The following PRDM13 variants were observed in gnomAD, a reference collection of about 807,000 sequenced individuals.
The protein encoded by PRDM13 is PR/SET domain 13.
Under a neutral mutation model 36.4 loss-of-function variants are expected in PRDM13, and 15 were observed. The ratio of observed to expected loss-of-function variants is 0.41; its 90% CI spans 0.28 to 0.64. PRDM13 has a LOEUF of 0.64. Among genes scored for constraint, PRDM13 ranks in the 30% least tolerant of loss-of-function variants. PRDM13 has a pLI of 0.29. For missense variants in PRDM13, 1,044 were observed against 1,013.5 expected, an observed-to-expected ratio of 1.03 and a Z score of -0.41; for synonymous variants, 531 against 467.7, an observed-to-expected ratio of 1.14 and a Z score of -1.75.
Position 99,613,168 on chromosome 6 carries a change from G to A in PRDM13, c.533G>A (p.Arg178His), listed in dbSNP as rs1770056948. 1 of 1,612,620 alleles carries A rather than the reference G, an allele frequency of 6.2e-7. No homozygotes were observed. Among genetic ancestry groups the A allele is most frequent in the African/African-American group, 1.3e-5 (1 of 74,926 alleles). The change falls in exon 4 of 4, where the codon CGC becomes CAC. Residue 178 changes from arginine to histidine, a missense_variant. Physicochemically the swap from Arg to His is conservative, Grantham distance 29. Transcript: ENST00000369215. The surrounding 1 kb of genome is among the most constrained non-coding windows in gnomAD (Gnocchi z 6.1). Reference protein sequence around the residue: ...GAFLHHEHAARQGAVPAADGL... With the variant: ...GAFLHHEHAAHQGAVPAADGL... ...TTCCTGCACCACGAACACGCGGCTC[G>A]CCAAGGCGCCGTCCCAGCGGCTGAT...
intron 3 of PRDM13, among the ~76,000 whole-genome samples, chr6:99,611,175 A>G (rs920451922): frequency 6.6e-6 from 1 of 152,202 alleles, no homozygotes; most frequent in Non-Finnish European, 1.5e-5. Context: ...GAAGAAATAA[A>G]TAGGGATGGC....
At chr6:99,609,150 G>C in intron 2 of PRDM13, 37 bp from the exon 3 acceptor site, 1 of 1,609,316 alleles carries the variant, frequency 6.2e-7, no homozygotes, top group Non-Finnish European at 8.5e-7. Flanking sequence ...GATTACCCAG[G>C]AAATGACATT....
At position 99,606,859 on chromosome 6, in the gene PRDM13, CA is replaced by C; in HGVS notation, c.-172del. On this transcript the variant is annotated 5_prime_UTR_variant, in exon 1 of 4. Coordinates refer to ENST00000369215, the MANE Select transcript of PRDM13 (RefSeq NM_021620.4). ...CTCCGCGCCCTTGCGCTAGCGGTGC[CA>C]AAAGGCTCCCGCCCCGATTGAAAAG... 2.3e-6 allele frequency: 2 copies of C among 861,850 alleles called. No homozygotes were observed. The highest frequency in any genetic ancestry group is 3.4e-6 in the Non-Finnish European group (2 of 593,060). The allele number at this position is 861,850 out of a possible 1,614,324, so 53.4% of individuals were successfully genotyped here. A position where few individuals can be genotyped will look rare whatever the true frequency, so the allele number is the denominator to read the frequency against.
chr6:99,610,285 C>T (rs1401862700), intron 3 of PRDM13, among the ~76,000 whole-genome samples: 2 of 152,222 alleles, frequency 1.3e-5, no homozygotes, highest in Non-Finnish European at 2.9e-5. Flanking sequence ...CTGAAGAACA[C>T]TTCCTGTGGA....
intron 3 of PRDM13, among the ~76,000 whole-genome samples, chr6:99,611,348 TGA>T (rs1213944078): frequency 6.6e-6 from 1 of 152,080 alleles, no homozygotes; most frequent in Non-Finnish European, 1.5e-5. Context: ...AAAGGGGTGA[TGA>T]GAGAGAGAAA....
chr6:99,614,938 A>T lies in PRDM13; in HGVS notation c.*179A>T, dbSNP rs374061792. The T allele has an allele frequency of 1.5e-4, 130 of 876,160 alleles. No individual in the cohort carries two copies. The East Asian group carries it at 3.3e-3, about 23-fold the overall frequency. The allele number at this position is 876,160 out of a possible 1,614,324, so 54.3% of individuals were successfully genotyped here. On this transcript the variant is annotated 3_prime_UTR_variant, in exon 4 of 4. Transcript: ENST00000369215. Reference sequence around the variant, plus strand: ...CACATCTGGTGCTGAAACTCAGAGCAACAGTTCAGAGGTGGCGTAAATCTG... The same window carrying T: ...CACATCTGGTGCTGAAACTCAGAGCTACAGTTCAGAGGTGGCGTAAATCTG...
In PRDM13 at chr6:99,613,908, C is replaced by G. The variant is rs776956908; in HGVS notation, c.1273C>G (p.Pro425Ala). The change falls in exon 4 of 4, where the codon CCT becomes GCT. Residue 425 changes from proline to alanine, a missense_variant. Physicochemically the swap from Pro to Ala is conservative, Grantham distance 27 (BLOSUM62 -1). This residue lies in a region of PRDM13 where 921 missense variants were observed against 865.2 expected (regional missense o/e 1.06). Coordinates refer to ENST00000369215, the MANE Select transcript of PRDM13 (RefSeq NM_021620.4). The surrounding 1 kb of genome is among the most constrained non-coding windows in gnomAD (Gnocchi z 6.1). ...LPGARYAQLP[P>A]APGLPLERCA... ...AGGAGCGCGTTATGCGCAGCTGCCCCCTGCGCCGGGGTTGCCCCTCGAGCG... is the reference window on the plus strand; with the variant it reads ...AGGAGCGCGTTATGCGCAGCTGCCCGCTGCGCCGGGGTTGCCCCTCGAGCG... 7 of 1,583,830 alleles carry G rather than the reference C, an allele frequency of 4.4e-6. No homozygotes were observed. Among genetic ancestry groups the G allele is most frequent in the Non-Finnish European group, 6.0e-6 (7 of 1,170,648 alleles).
chr6:99,615,016 A>C lies in PRDM13; in HGVS notation c.*257A>C. On this transcript the variant is annotated 3_prime_UTR_variant, in exon 4 of 4. Coordinates refer to ENST00000369215, the MANE Select transcript of PRDM13 (RefSeq NM_021620.4). ...GTACCTCCGCACCCCGGGCCTCTGG[A>C]CTTCTTGGATGAGCTCACCCTGAAC... 1 of 554,628 alleles carries C rather than the reference A, an allele frequency of 1.8e-6. No individual in the cohort carries two copies. The highest frequency in any genetic ancestry group is 3.7e-5 in the Admixed American group (1 of 27,132). 34.4% of individuals were successfully genotyped at this position (554,628 alleles called of 1,614,324 possible). A position where few individuals can be genotyped will look rare whatever the true frequency, so the allele number is the denominator to read the frequency against.
At chr6:99,609,900 A>AT (rs978464241) in intron 3 of PRDM13, among the ~76,000 whole-genome samples, 3 of 98,812 alleles carry the variant, frequency 3.0e-5, no homozygotes, top group African/African-American at 1.1e-4. Context: ...AAATAAATAA[A>AT]AATAAAAAAT....
At chr6:99,610,932 T>C (rs1019704801) in intron 3 of PRDM13, among the ~76,000 whole-genome samples, 1 of 149,654 alleles carries the variant, frequency 6.7e-6, no homozygotes. Context: ...AAAATAAACA[T>C]TTTTTTTTTC....
At chr6:99,608,711 G>A (rs765846534) in intron 1 of PRDM13, 30 bp from the exon 2 acceptor site, 8 of 1,586,550 alleles carry the variant, frequency 5.0e-6, no homozygotes, top group South Asian at 2.3e-5. Flanking sequence ...GCCAAGGTGC[G>A]GGGGAGAACG....
At chr6:99,609,409 C>T (rs780022670) in intron 3 of PRDM13, 102 bp downstream of exon 3, 3 of 1,451,896 alleles carry the variant, frequency 2.1e-6, no homozygotes, top group East Asian at 4.6e-5. Flanking sequence ...ATGGAATTCA[C>T]ATTCCCTGTA....
Position 99,609,184 on chromosome 6 carries a change from C to G in PRDM13, c.277-3C>G. Reference sequence around the variant, plus strand: ...TTGAACTGTTCTATTCCTTGCGTCCCAGATCTTCTACCGAGCATTGCGAGA... The same window carrying G: ...TTGAACTGTTCTATTCCTTGCGTCCGAGATCTTCTACCGAGCATTGCGAGA... On this transcript the variant is annotated splice_region_variant and splice_polypyrimidine_tract_variant and intron_variant, in intron 2 of 3. Coordinates refer to ENST00000369215, the MANE Select transcript of PRDM13 (RefSeq NM_021620.4). 6.2e-7 allele frequency: 1 copy of G among 1,613,696 alleles called. No homozygotes were observed. Among genetic ancestry groups the G allele is most frequent in the Non-Finnish European group, 8.5e-7 (1 of 1,179,756 alleles).
chr6:99,614,036 G>A lies in PRDM13; in HGVS notation c.1401G>A (p.Gly467=). ...AVMPAFTVYN[G]ELLYGSPATT... is the part of the protein sequence containing the mutation. ...TGCCGGCCTTTACAGTCTACAACGGGGAGCTGCTCTACGGCTCACCGGCCA... is the reference window on the plus strand; with the variant it reads ...TGCCGGCCTTTACAGTCTACAACGGAGAGCTGCTCTACGGCTCACCGGCCA... The change falls in exon 4 of 4, where the codon GGG becomes GGA. Residue 467 remains glycine, a synonymous_variant. Coordinates refer to ENST00000369215, the MANE Select transcript of PRDM13 (RefSeq NM_021620.4). The A allele has an allele frequency of 6.2e-7, 1 of 1,610,526 alleles. No homozygotes were observed. Among genetic ancestry groups the A allele is most frequent in the South Asian group, 1.1e-5 (1 of 90,856 alleles).
At chr6:99,609,001 C>T in intron 2 of PRDM13, 129 bp downstream of exon 2, 2 of 1,420,102 alleles carry the variant, frequency 1.4e-6, no homozygotes, top group Non-Finnish European at 9.5e-7. Context: ...AACGTCTCGA[C>T]AACCCTTTAA....
intron 2 of PRDM13, 77 bp downstream of exon 2, chr6:99,608,949 A>C: frequency 2.0e-6 from 3 of 1,532,262 alleles, no homozygotes; most frequent in African/African-American, 1.4e-5. Context: ...GCGGTGGCCA[A>C]AAATATTAAG....
At chr6:99,612,886 G>A in intron 3 of PRDM13, 147 bp from the exon 4 acceptor site, 2 of 1,442,128 alleles carry the variant, frequency 1.4e-6, no homozygotes, top group Non-Finnish European at 1.8e-6. Flanking sequence ...CGGGGTCCTC[G>A]ATACAGTAGG....
rs748149624 is a variant in PRDM13, at chr6:99,614,736, G to A, written c.2101G>A (p.Gly701Ser). The A allele has an allele frequency of 1.3e-6, 2 of 1,580,332 alleles. No individual in the cohort carries two copies. The highest frequency in any genetic ancestry group is 1.8e-5 in the Admixed American group (1 of 55,046). ...TDDQSDPEVGGGGERDL is the reference protein window; with the variant it reads ...TDDQSDPEVGSGGERDL ...CGACCAGAGCGACCCCGAGGTTGGG[G>A]GCGGCGGGGAGCGCGACTTGTAACG... Residue 701 changes from glycine to serine, a missense_variant, in exon 4 of 4, where the codon GGC (glycine) becomes AGC (serine). This residue lies in a region of PRDM13 where 115 missense variants were observed against 122.1 expected (regional missense o/e 0.94). Transcript: ENST00000369215.
Position 99,613,905 on chromosome 6 carries a change from C to T in PRDM13, c.1270C>T (p.Pro424Ser). 1.3e-6 allele frequency: 2 copies of T among 1,580,570 alleles called. No individual in the cohort carries two copies. Among genetic ancestry groups the T allele is most frequent in the South Asian group, 1.1e-5 (1 of 88,074 alleles). Residue 424 changes from proline to serine, a missense_variant, in exon 4 of 4, where the codon CCC (proline) becomes TCC (serine). Pro to Ser is a moderately conservative substitution (Grantham distance 74, BLOSUM62 -1). Around this residue, in one of 3 missense-constraint regions of PRDM13, gnomAD observed 921 missense variants for 865.2 expected, o/e 1.06. Transcript: ENST00000369215. This position sits in a 1 kb window ranked among gnomAD's most constrained non-coding sequence, Gnocchi z 6.1. ...GCCAGGAGCGCGTTATGCGCAGCTG[C>T]CCCCTGCGCCGGGGTTGCCCCTCGA... ...ALPGARYAQL[P>S]PAPGLPLERC...
Sources: gnomAD v4.1 joint callset for allele counts (sites outside exome capture counted in the v4.1 genomes callset) on GRCh38, gnomAD v4.1.1 for gene constraint, gnomAD v4.1.1 regional missense constraint, Gnocchi (gnomAD v3.1) non-coding constraint, MANE v1.5 for transcripts, NCBI Gene and HGNC (gene_info 2026-07-23, HGNC 2026-07-21) for gene names.